RPGRIP1L: variants seen among roughly 807,000 people sequenced by gnomAD.
RPGRIP1L encodes RPGRIP1 like, also known as protein fantom.
Under a neutral mutation model 160.4 loss-of-function variants are expected in RPGRIP1L, and 131 were observed. The observed-to-expected ratio is 0.82, with a 90% CI of 0.71 to 0.94. The LOEUF is 0.94. Ranked by LOEUF, RPGRIP1L falls within the 40% of genes least tolerant of loss-of-function variation. The probability of loss-of-function intolerance (pLI) is 0.00; values close to 1 mark genes in which losing one functional copy is unlikely to be tolerated. For synonymous variants in RPGRIP1L, 510 were observed against 515.8 expected, an observed-to-expected ratio of 0.99 and a Z score of 0.15; for missense variants, 1,522 against 1,535.8, an observed-to-expected ratio of 0.99 and a Z score of 0.15.
intron 1 of RPGRIP1L, among the ~76,000 whole-genome samples, chr16:53,702,018 G>A (rs759111766): frequency 6.6e-6 from 1 of 151,976 alleles, no homozygotes; most frequent in African/African-American, 2.4e-5. Flanking sequence ...ACATAGGCCC[G>A]TGTATGAAAA....
chr16:53,672,442 A>G (rs967752858), intron 8 of RPGRIP1L, among the ~76,000 whole-genome samples: 3 of 152,182 alleles, frequency 2.0e-5, no homozygotes, highest in Non-Finnish European at 2.9e-5. Flanking sequence ...GAGTTTTCAA[A>G]GAACTCTCTA....
rs1160077751 is a variant in RPGRIP1L, at chr16:53,648,624, GCGCA to G, written c.2304+336_2304+339del. ...TATACGTACGCGCGTGCGCGCGCGC[GCGCA>G]CACACACACACACACACACACACAC... is the stretch of plus-strand genomic sequence containing the variant. On this transcript the variant is annotated intron_variant, in intron 16 of 26. Coordinates refer to ENST00000647211, the MANE Select transcript of RPGRIP1L (RefSeq NM_015272.5). Among the ~76,000 whole-genome samples, 557 of 106,812 alleles carry G rather than the reference GCGCA, an allele frequency of 5.2e-3. 4 individuals carry two copies. The highest frequency in any genetic ancestry group is 0.014 in the African/African-American group (517 of 38,216). The allele number at this position is 106,812 out of a possible 152,430, so 70.1% of individuals were successfully genotyped here. A position where few individuals can be genotyped will look rare whatever the true frequency, so the allele number is the denominator to read the frequency against.
intron 9 of RPGRIP1L, among the ~76,000 whole-genome samples, chr16:53,667,289 C>A (rs1039212662): frequency 3.3e-5 from 5 of 152,148 alleles, no homozygotes; most frequent in African/African-American, 1.2e-4. Flanking sequence ...AAATACACAC[C>A]CTTGACCAAA....
chr16:53,641,240 CA>C, intron 18 of RPGRIP1L, 44 bp downstream of exon 18: 1 of 1,583,002 alleles, frequency 6.3e-7, no homozygotes. Context: ...GCTTTATATT[CA>C]AAATTTTATA....
chr16:53,654,042 C>T (rs747674467), intron 14 of RPGRIP1L, among the ~76,000 whole-genome samples: 1 of 152,158 alleles, frequency 6.6e-6, no homozygotes, highest in Non-Finnish European at 1.5e-5. Context: ...CGGCTCACTG[C>T]AACCTCTGCT....
In RPGRIP1L at chr16:53,626,885, TTG is replaced by T. The variant is rs555487467; in HGVS notation, c.3295-4531_3295-4530del. Among the ~76,000 whole-genome samples the T allele has an allele frequency of 5.0e-3, 763 of 152,168 alleles. 7 individuals carry two copies. The highest frequency in any genetic ancestry group is 0.017 in the African/African-American group (722 of 41,482). Reference sequence around the variant, plus strand: ...AGAACTCCATGCAACTTATTTTTAGTTGTCTGTATAGATGGACACTATGTGTT... The same window carrying T: ...AGAACTCCATGCAACTTATTTTTAGTTCTGTATAGATGGACACTATGTGTT... On this transcript the variant is annotated intron_variant, in intron 22 of 26. Transcript: ENST00000647211.
At chr16:53,657,237 T>A (rs552841618) in intron 13 of RPGRIP1L, among the ~76,000 whole-genome samples, 1 of 151,272 alleles carries the variant, frequency 6.6e-6, no homozygotes, top group Non-Finnish European at 1.5e-5. Context: ...CAAAACTCTG[T>A]CTCAAAAAAA....
At chr16:53,614,678 C>T (rs759229647) in intron 24 of RPGRIP1L, among the ~76,000 whole-genome samples, 8 of 152,132 alleles carry the variant, frequency 5.3e-5, no homozygotes, top group African/African-American at 9.7e-5. Flanking sequence ...GTTAAAAAAA[C>T]TCACAATTTC....
intron 2 of RPGRIP1L, among the ~76,000 whole-genome samples, chr16:53,700,111 G>C (rs1182447052): frequency 6.6e-6 from 1 of 152,196 alleles, no homozygotes; most frequent in Non-Finnish European, 1.5e-5. Flanking sequence ...CTTTAAAGTA[G>C]TGCTTTTCTT....
At chr16:53,675,341 C>T (rs995685936) in intron 6 of RPGRIP1L, among the ~76,000 whole-genome samples, 9 of 152,072 alleles carry the variant, frequency 5.9e-5, no homozygotes, top group Admixed American at 3.3e-4. Context: ...ACCTTGAACT[C>T]ACAAAGTTTG....
Position 53,695,670 on chromosome 16 carries a change from G to C in RPGRIP1L, c.230+481C>G, listed in dbSNP as rs139020772. On this transcript the variant is annotated intron_variant, in intron 3 of 26. Coordinates refer to ENST00000647211, the MANE Select transcript of RPGRIP1L (RefSeq NM_015272.5). ...TCTTCAGAAACAGTAGAGACTCTTT[G>C]AAATCAATATAGAATCTAGTATAAC... is the stretch of plus-strand genomic sequence containing the variant. 4.4e-3 allele frequency: 2,306 copies of C among 519,830 alleles called. 41 individuals are homozygous for C. The highest frequency in any genetic ancestry group is 0.039 in the African/African-American group (2,022 of 52,100). 32.2% of individuals were successfully genotyped at this position (519,830 alleles called of 1,614,324 possible). A position where few individuals can be genotyped will look rare whatever the true frequency, so the allele number is the denominator to read the frequency against.
chr16:53,640,933 A>T (rs1966172692), intron 19 of RPGRIP1L, 100 bp downstream of exon 19: 1 of 832,010 alleles, frequency 1.2e-6, no homozygotes, highest in African/African-American at 1.7e-5. Context: ...TACTTTATTC[A>T]CCTGTTTCCA....
In RPGRIP1L at chr16:53,672,851, A is replaced by G. The variant is rs370612492; in HGVS notation, c.1029+19T>C. ...AGAAGTTGTAATGCAACAGATGGCT[A>G]AACTCTTTGGGAGCTTACCTCTTCT... On this transcript the variant is annotated intron_variant, in intron 8 of 26. Coordinates refer to ENST00000647211, the MANE Select transcript of RPGRIP1L (RefSeq NM_015272.5). 39 of 1,608,538 alleles carry G rather than the reference A, an allele frequency of 2.4e-5. No homozygotes were observed. The highest frequency in any genetic ancestry group is 1.8e-5 in the Non-Finnish European group (21 of 1,176,292).
At chr16:53,612,912 T>C (rs1364831792) in intron 24 of RPGRIP1L, among the ~76,000 whole-genome samples, 1 of 152,202 alleles carries the variant, frequency 6.6e-6, no homozygotes, top group Non-Finnish European at 1.5e-5. Context: ...CTTTCCATTC[T>C]TCCCTCTTCT....
intron 10 of RPGRIP1L, among the ~76,000 whole-genome samples, chr16:53,662,517 C>T (rs1967890627): frequency 6.6e-6 from 1 of 152,058 alleles, no homozygotes; most frequent in African/African-American, 2.4e-5. Context: ...ACACTTGATA[C>T]ATGAGAAGGT....
intron 6 of RPGRIP1L, among the ~76,000 whole-genome samples, chr16:53,685,084 A>T (rs1969901733): frequency 1.3e-5 from 2 of 152,188 alleles, no homozygotes; most frequent in African/African-American, 4.8e-5. Context: ...TCAAAAGAAG[A>T]CATCATGTGG....
Position 53,619,221 on chromosome 16 carries a change from CA to C in RPGRIP1L, c.3433-14del, listed in dbSNP as rs755347715. 1.2e-6 allele frequency: 2 copies of C among 1,606,676 alleles called. No individual in the cohort carries two copies. The highest frequency in any genetic ancestry group is 2.2e-5 in the South Asian group (2 of 90,766). On this transcript the variant is annotated splice_polypyrimidine_tract_variant and intron_variant, in intron 23 of 26. Transcript: ENST00000647211. ...TTTTTTCTGATGGCTGTTTAAAGAG[CA>C]AAAACAAAAAACAACAAAGAAATAA...
intron 22 of RPGRIP1L, among the ~76,000 whole-genome samples, chr16:53,630,418 T>C (rs1373421176): frequency 6.6e-6 from 1 of 152,134 alleles, no homozygotes; most frequent in East Asian, 1.9e-4. Flanking sequence ...GCAAAGAGTG[T>C]AATAGGAGAA....
rs575585848 is a variant in RPGRIP1L, at chr16:53,681,586, T to C, written c.776+4847A>G. ...CTAATGAGGCATTATGTAGAACATA[T>C]GCAAAAATCACAACTCACTCTCCCA... On this transcript the variant is annotated intron_variant, in intron 6 of 26. Transcript: ENST00000647211. Among the ~76,000 whole-genome samples the C allele has an allele frequency of 8.5e-5, 13 of 152,248 alleles. No homozygotes were observed. The South Asian group carries it at 1.7e-3, about 19-fold the overall frequency.
Sources: gnomAD v4.1 joint callset for allele counts (sites outside exome capture counted in the v4.1 genomes callset) on GRCh38, gnomAD v4.1.1 for gene constraint, MANE v1.5 for transcripts, NCBI Gene and HGNC (gene_info 2026-07-23, HGNC 2026-07-21) for gene names.